ITGBL1: variants seen among roughly 807,000 people sequenced by gnomAD.
ITGBL1 encodes integrin beta-like protein 1.
Under a neutral mutation model 68.5 loss-of-function variants are expected in ITGBL1, and 51 were observed. The ratio of observed to expected loss-of-function variants is 0.74; its 90% confidence interval spans 0.59 to 0.94. The LOEUF is 0.94. Ranked by LOEUF, ITGBL1 falls within the 40% of genes least tolerant of loss-of-function variation. The probability of loss-of-function intolerance (pLI) is 0.00; values close to 1 mark genes in which losing one functional copy is unlikely to be tolerated. For synonymous variants in ITGBL1, 209 were observed against 227.3 expected (o/e 0.92, Z 0.72); for missense variants, 649 against 647.4 (o/e 1.00, Z -0.03).
At chr13:101,492,524 C>A (rs1357333219) in intron 2 of ITGBL1, among the ~76,000 whole-genome samples, 1 of 152,172 alleles carries the variant, frequency 6.6e-6, no homozygotes, top group African/African-American at 2.4e-5. Context: ...TTGGCAGCTT[C>A]TGTACAGCTG....
intron 5 of ITGBL1, among the ~76,000 whole-genome samples, chr13:101,581,062 C>T (rs1008238184): frequency 6.6e-5 from 10 of 152,134 alleles, no homozygotes; most frequent in Admixed American, 1.3e-4. Context: ...AGCATTTCTG[C>T]ATCATTGCAT....
intron 2 of ITGBL1, among the ~76,000 whole-genome samples, chr13:101,544,446 G>A (rs2049777885): frequency 6.6e-6 from 1 of 152,134 alleles, no homozygotes; most frequent in South Asian, 2.1e-4. Context: ...GGCCGTGTGA[G>A]GTGTCAGTCT....
At chr13:101,614,557 A>G (rs888931559) in intron 7 of ITGBL1, among the ~76,000 whole-genome samples, 15 of 152,286 alleles carry the variant, frequency 9.8e-5, no homozygotes, top group Admixed American at 5.2e-4. Context: ...CAGCGAATCC[A>G]TATCAGCTCC....
chr13:101,632,013 A>C (rs757704943), intron 7 of ITGBL1, among the ~76,000 whole-genome samples: 8 of 147,256 alleles, frequency 5.4e-5, no homozygotes, highest in African/African-American at 2.2e-4. Flanking sequence ...ACGGTACACA[A>C]AAAAAAGCAA....
chr13:101,681,811 C>T (rs563939604), intron 7 of ITGBL1, among the ~76,000 whole-genome samples: 7 of 151,010 alleles, frequency 4.6e-5, no homozygotes, highest in African/African-American at 1.5e-4. Flanking sequence ...TGTGGGTGTG[C>T]GCATGTGCGC....
intron 2 of ITGBL1, among the ~76,000 whole-genome samples, chr13:101,457,459 T>A (rs1177749201): frequency 6.6e-6 from 1 of 152,186 alleles, no homozygotes; most frequent in Non-Finnish European, 1.5e-5. Context: ...CTTATTATAG[T>A]TTGCGCTGGT....
intron 2 of ITGBL1, among the ~76,000 whole-genome samples, chr13:101,549,148 A>G (rs2139207342): frequency 6.6e-6 from 1 of 152,014 alleles, no homozygotes; most frequent in East Asian, 1.9e-4. Context: ...AATAAATGAG[A>G]AAGAAATAAG....
At chr13:101,641,634 C>T (rs1030252577) in intron 7 of ITGBL1, among the ~76,000 whole-genome samples, 6 of 150,206 alleles carry the variant, frequency 4.0e-5, no homozygotes, top group Non-Finnish European at 7.4e-5. Context: ...CATATGTATA[C>T]ATGTGCCATG....
downstream of ITGBL1, chr13:101,719,230 A>G (rs1438690720): frequency 6.6e-6 from 1 of 152,126 alleles, no homozygotes; most frequent in African/African-American, 2.4e-5. Flanking sequence ...ACCAAATCTG[A>G]TATTGTTCAT....
chr13:101,543,766 C>A (rs1238537783), intron 2 of ITGBL1, among the ~76,000 whole-genome samples: 3 of 152,140 alleles, frequency 2.0e-5, no homozygotes, highest in South Asian at 2.1e-4. Flanking sequence ...TCTTTTAATT[C>A]TTTTTTCTCT....
chr13:101,537,905 T>C (rs1357761073), intron 2 of ITGBL1, among the ~76,000 whole-genome samples: 2 of 152,028 alleles, frequency 1.3e-5, no homozygotes, highest in Non-Finnish European at 2.9e-5. Context: ...ATACAATAAT[T>C]TCATGAAGAA....
At chr13:101,543,477 G>A (rs1024327349) in intron 2 of ITGBL1, among the ~76,000 whole-genome samples, 2 of 152,046 alleles carry the variant, frequency 1.3e-5, no homozygotes, top group Admixed American at 1.3e-4. Context: ...CTTTCTCTCT[G>A]GCTGCCCTTA....
At chr13:101,652,934 CT>C (rs1389825742) in intron 7 of ITGBL1, among the ~76,000 whole-genome samples, 6 of 151,900 alleles carry the variant, frequency 3.9e-5, no homozygotes, top group African/African-American at 1.5e-4. Context: ...CCTGTCTCTA[CT>C]AAAAATACAA....
chr13:101,686,413 A>C (rs1344305965), intron 7 of ITGBL1, among the ~76,000 whole-genome samples: 1 of 152,150 alleles, frequency 6.6e-6, no homozygotes, highest in Non-Finnish European at 1.5e-5. Context: ...TAGTGGGAGA[A>C]GGTGCTGTGG....
At chr13:101,657,644 G>A (rs144713287) in intron 7 of ITGBL1, among the ~76,000 whole-genome samples, 1,689 of 152,294 alleles carry the variant, frequency 0.011, 39 homozygotes, top group African/African-American at 0.038. Context: ...TTTTCTACTT[G>A]TTGAAACTGG....
intron 2 of ITGBL1, among the ~76,000 whole-genome samples, chr13:101,457,859 G>A (rs752879717): frequency 9.2e-5 from 14 of 152,238 alleles, no homozygotes; most frequent in Non-Finnish European, 1.9e-4. Context: ...ATGTTTGATT[G>A]CATGGAAAGA....
intron 2 of ITGBL1, among the ~76,000 whole-genome samples, chr13:101,526,736 T>G (rs2139148585): frequency 6.8e-6 from 1 of 146,878 alleles, no homozygotes; most frequent in Admixed American, 6.7e-5. Flanking sequence ...TAAACACTAG[T>G]TAGCATTTTT....
chr13:101,647,798 C>T (rs977427866), intron 7 of ITGBL1, among the ~76,000 whole-genome samples: 11 of 152,090 alleles, frequency 7.2e-5, no homozygotes, highest in African/African-American at 2.7e-4. Flanking sequence ...AAAAAGGGAG[C>T]CAGCTATTCC....
chr13:101,572,080 C>T (rs181222851), intron 3 of ITGBL1, among the ~76,000 whole-genome samples: 1 of 152,220 alleles, frequency 6.6e-6, no homozygotes, highest in Admixed American at 6.5e-5. Context: ...TCTTTTCTGT[C>T]TCATTTACTC....
Sources: allele counts gnomAD v4.1 joint callset (sites outside exome capture counted in the v4.1 genomes callset), GRCh38; gene constraint gnomAD v4.1.1; transcripts MANE v1.5; gene names NCBI Gene and HGNC (gene_info 2026-07-23, HGNC 2026-07-21).